Variants in ATXN8OS observed in about 807,000 individuals in gnomAD.
ATXN8OS encodes ATXN8 opposite strand lncRNA.
At chr13:70,116,825 G>A (rs1178355513) in intron 2 of ATXN8OS, among the ~76,000 whole-genome samples, 3 of 152,064 alleles carry the variant, frequency 2.0e-5, no homozygotes, top group Non-Finnish European at 4.4e-5. Flanking sequence ...TTGTTGCCAG[G>A]TCTGGCATTC....
At chr13:70,128,862 T>C (rs914718558) in intron 2 of ATXN8OS, among the ~76,000 whole-genome samples, 6 of 150,310 alleles carry the variant, frequency 4.0e-5, no homozygotes, top group Non-Finnish European at 8.9e-5. Flanking sequence ...CCCCACCTTT[T>C]TTTTTTTTTG....
At chr13:70,107,645 A>G, upstream of ATXN8OS, 1 of 1,554,110 alleles carries the variant, frequency 6.4e-7, no homozygotes. Context: ...AAGAGTTTCC[A>G]GCGGAGTCGC....
upstream of ATXN8OS, chr13:70,107,697 C>A (rs547047442): frequency 1.3e-6 from 2 of 1,522,720 alleles, no homozygotes; most frequent in Non-Finnish European, 8.8e-7. Context: ...CAGAGCCTGA[C>A]ATGCTTTACG....
At chr13:70,156,484 T>G (rs1029114614) in intron 4 of ATXN8OS, among the ~76,000 whole-genome samples, 2 of 152,108 alleles carry the variant, frequency 1.3e-5, no homozygotes, top group African/African-American at 2.4e-5. Context: ...ATATTATATT[T>G]TATGATAATT....
At chr13:70,127,087 C>G (rs1888450500) in intron 2 of ATXN8OS, among the ~76,000 whole-genome samples, 1 of 151,790 alleles carries the variant, frequency 6.6e-6, no homozygotes, top group African/African-American at 2.4e-5. Context: ...ATTTCCATCT[C>G]AGAGAGACAG....
exon 2 of ATXN8OS, chr13:70,115,171 C>A (rs1399336236): frequency 5.0e-6 from 2 of 398,308 alleles, no homozygotes; most frequent in Non-Finnish European, 8.9e-6. Context: ...AAGACCAATG[C>A]ACGAGAATTT....
At chr13:70,126,627 T>C (rs1032961479) in intron 2 of ATXN8OS, among the ~76,000 whole-genome samples, 5 of 150,882 alleles carry the variant, frequency 3.3e-5, no homozygotes, top group Non-Finnish European at 5.9e-5. Context: ...ATATATGAAA[T>C]CTTACATGGG....
At chr13:70,158,684 T>C (rs1421575733) in intron 4 of ATXN8OS, among the ~76,000 whole-genome samples, 1 of 152,202 alleles carries the variant, frequency 6.6e-6, no homozygotes, top group Non-Finnish European at 1.5e-5. Context: ...AAAGAAGCCA[T>C]AGACAGTATA....
intron 4 of ATXN8OS, among the ~76,000 whole-genome samples, chr13:70,164,055 CTTATTATTATTA>C (rs56827181): frequency 3.4e-5 from 1 of 29,090 alleles, no homozygotes; most frequent in African/African-American, 8.2e-5. Flanking sequence ...AGTTTTTATT[CTTATTATTATTA>C]TTATTATTAT....
At chr13:70,161,628 T>G (rs2137505096) in intron 4 of ATXN8OS, among the ~76,000 whole-genome samples, 1 of 150,940 alleles carries the variant, frequency 6.6e-6, no homozygotes, top group African/African-American at 2.4e-5. Flanking sequence ...CCTAACACAC[T>G]AAATAATTAT....
intron 4 of ATXN8OS, among the ~76,000 whole-genome samples, chr13:70,157,323 T>C (rs1328022560): frequency 6.6e-6 from 1 of 152,050 alleles, no homozygotes; most frequent in Non-Finnish European, 1.5e-5. Flanking sequence ...TGTTTAAAAA[T>C]AAAGAACATA....
intron 4 of ATXN8OS, among the ~76,000 whole-genome samples, chr13:70,151,738 T>G (rs1188027716): frequency 1.3e-5 from 2 of 152,110 alleles, no homozygotes; most frequent in African/African-American, 4.8e-5. Context: ...TAAAGTTGTA[T>G]TTCAACAAGA....
intron 4 of ATXN8OS, among the ~76,000 whole-genome samples, chr13:70,157,565 A>AC (rs1845513118): frequency 6.6e-6 from 1 of 151,664 alleles, no homozygotes; most frequent in African/African-American, 2.4e-5. Context: ...AAAAAAAAAA[A>AC]CAAAAACACT....
At chr13:70,109,523 C>T (rs938685299) in intron 1 of ATXN8OS, among the ~76,000 whole-genome samples, 1 of 152,050 alleles carries the variant, frequency 6.6e-6, no homozygotes, top group East Asian at 1.9e-4. Flanking sequence ...AATTTGGAGT[C>T]CTTAGGCAAA....
chr13:70,110,682 A>C (rs1319852787), intron 1 of ATXN8OS, among the ~76,000 whole-genome samples: 1 of 152,038 alleles, frequency 6.6e-6, no homozygotes, highest in Non-Finnish European at 1.5e-5. Context: ...TCCTTGAAAA[A>C]TATACTTTGT....
intron 3 of ATXN8OS, among the ~76,000 whole-genome samples, chr13:70,143,878 A>G (rs1039398177): frequency 6.6e-6 from 1 of 152,152 alleles, no homozygotes; most frequent in African/African-American, 2.4e-5. Context: ...ATTAATAGCT[A>G]TATTTTAAAA....
At chr13:70,146,335 C>G (rs1224637853) in intron 3 of ATXN8OS, among the ~76,000 whole-genome samples, 1 of 149,914 alleles carries the variant, frequency 6.7e-6, no homozygotes, top group Non-Finnish European at 1.5e-5. Context: ...ACTAGTTCAA[C>G]CATTGTGGAA....
upstream of ATXN8OS, chr13:70,107,733 C>T: frequency 6.8e-7 from 1 of 1,480,804 alleles, no homozygotes; most frequent in Non-Finnish European, 9.0e-7. Context: ...GCTGGCAGCT[C>T]ACGCAGGAGT....
intron 3 of ATXN8OS, among the ~76,000 whole-genome samples, chr13:70,144,946 A>G (rs1888762152): frequency 6.6e-6 from 1 of 152,110 alleles, no homozygotes. Context: ...ATTTCTTTCT[A>G]TGTCAAGGTG....
Sources: gnomAD v4.1 joint callset for allele counts (sites outside exome capture counted in the v4.1 genomes callset) on GRCh38, gnomAD v4.1.1 for gene constraint, MANE v1.5 for transcripts, NCBI Gene and HGNC (gene_info 2026-07-23, HGNC 2026-07-21) for gene names.